Variants in ADAM28 observed in about 807,000 individuals in gnomAD.
The protein encoded by ADAM28 is ADAM metallopeptidase domain 28.
Under a neutral mutation model 101.2 loss-of-function variants are expected in ADAM28, and 105 were observed. That is an observed-to-expected ratio of 1.04 (90% CI 0.89 to 1.22). ADAM28 has a LOEUF of 1.22. ADAM28 is among the 50% of genes most tolerant of loss of function. The pLI is 0.00. For missense variants in ADAM28, 1,028 were observed against 945.4 expected, an observed-to-expected ratio of 1.09 and a Z score of -1.15; for synonymous variants, 322 against 310.6, an observed-to-expected ratio of 1.04 and a Z score of -0.39.
intron 21 of ADAM28, among the ~76,000 whole-genome samples, chr8:24,352,900 G>A (rs1162825046): frequency 6.6e-6 from 1 of 151,620 alleles, no homozygotes; most frequent in Non-Finnish European, 1.5e-5. Context: ...GCCAATTCCT[G>A]CACCTATATC....
At chr8:24,318,652 A>G (rs1334619850) in intron 6 of ADAM28, among the ~76,000 whole-genome samples, 1 of 151,928 alleles carries the variant, frequency 6.6e-6, no homozygotes, top group Non-Finnish European at 1.5e-5. Context: ...CATTCTCCCC[A>G]TTTTACTTAA....
intron 6 of ADAM28, among the ~76,000 whole-genome samples, chr8:24,313,995 G>T (rs1264970809): frequency 6.6e-6 from 1 of 152,118 alleles, no homozygotes; most frequent in Non-Finnish European, 1.5e-5. Flanking sequence ...GACCTCGGGT[G>T]ATCCACCTGT....
Sources: gnomAD v4.1 joint callset for allele counts (sites outside exome capture counted in the v4.1 genomes callset) on GRCh38, gnomAD v4.1.1 for gene constraint, MANE v1.5 for transcripts, NCBI Gene and HGNC (gene_info 2026-07-23, HGNC 2026-07-21) for gene names.